Variants in RNF169 observed in about 807,000 individuals in gnomAD.
RNF169 encodes the protein E3 ubiquitin-protein ligase RNF169.
RNF169 carries 24 observed loss-of-function variants against 53.9 expected under a neutral mutation model. That is an observed-to-expected ratio of 0.45 (90% CI 0.32 to 0.63). The LOEUF is 0.63. RNF169 is among the 20% of genes least tolerant of loss of function. The pLI is 0.04. For missense variants in RNF169, 883 were observed against 906.2 expected, an observed-to-expected ratio of 0.97 and a Z score of 0.33; for synonymous variants, 396 against 363.5, an observed-to-expected ratio of 1.09 and a Z score of -1.02.
intron 1 of RNF169, among the ~76,000 whole-genome samples, chr11:74,774,183 C>T (rs921295637): frequency 2.0e-5 from 3 of 151,390 alleles, no homozygotes; most frequent in Admixed American, 6.6e-5. Context: ...CTGCTAAAAA[C>T]ACACACACAC....
chr11:74,820,472 C>T (rs142134212), intron 4 of RNF169, among the ~76,000 whole-genome samples: 19 of 151,876 alleles, frequency 1.3e-4, no homozygotes, highest in East Asian at 5.8e-4. Context: ...GGGTGGGGGC[C>T]GTTAGGAGGT....
chr11:74,775,835 A>G (rs959967635), intron 1 of RNF169, among the ~76,000 whole-genome samples: 6 of 152,204 alleles, frequency 3.9e-5, no homozygotes, highest in South Asian at 2.1e-4. Context: ...CTCTGGCACT[A>G]TACTGAGCTC....
In RNF169 at chr11:74,810,039, A is replaced by C. The variant is rs1438022318; in HGVS notation, c.577-145A>C. The C allele has an allele frequency of 9.0e-6, 6 of 667,630 alleles. No homozygotes were observed. In the East Asian group the frequency reaches 1.6e-4, roughly 18 times the overall value. 41.4% of individuals were successfully genotyped at this position (667,630 alleles called of 1,614,324 possible). A position where few individuals can be genotyped will look rare whatever the true frequency, so the allele number is the denominator to read the frequency against. The stretch of plus-strand genomic sequence containing the variant: ...GCCAAGTAAAAGTAGATTTACTTAG[A>C]AATCAAGAGGGCTCTATAGCTGATA... On this transcript the variant is annotated intron_variant, in intron 2 of 5. Coordinates refer to ENST00000299563, the MANE Select transcript of RNF169 (RefSeq NM_001098638.2).
intron 1 of RNF169, among the ~76,000 whole-genome samples, chr11:74,753,038 G>A (rs1008712925): frequency 3.9e-5 from 6 of 152,058 alleles, no homozygotes; most frequent in South Asian, 2.1e-4. Context: ...GCATGATCTC[G>A]GTTCACCGCA....
chr11:74,769,779 A>G (rs537723075), intron 1 of RNF169, among the ~76,000 whole-genome samples: 7 of 152,314 alleles, frequency 4.6e-5, no homozygotes, highest in African/African-American at 1.2e-4. Context: ...TGAAGAAACA[A>G]TCAGCCAATG....
chr11:74,791,016 A>G (rs1260478884), intron 2 of RNF169, among the ~76,000 whole-genome samples: 1 of 152,238 alleles, frequency 6.6e-6, no homozygotes, highest in African/African-American at 2.4e-5. Flanking sequence ...TCCTGTGTCC[A>G]GAAAGAAAGA....
Position 74,835,673 on chromosome 11 carries a change from T to C in RNF169, c.1070T>C (p.Leu357Ser), listed in dbSNP as rs754899199. ...KRLPFSSLSS[L>S]ASLHKPERSV... ...CTACCCTTCAGCTCCCTTTCATCCT[T>C]GGCTTCCCTGCATAAGCCAGAGCGT... The change falls in exon 6 of 6, where the codon TTG (leucine) becomes TCG (serine). Residue 357 changes from leucine (L) to serine (S), a missense_variant. Leu to Ser is a moderately radical substitution (Grantham distance 145). Around this residue, in one of 3 missense-constraint regions of RNF169, gnomAD observed 219 missense variants for 289.1 expected, o/e 0.76. Transcript: ENST00000299563. The C allele has an allele frequency of 1.2e-6, 2 of 1,614,184 alleles. No individual in the cohort carries two copies. The highest frequency in any genetic ancestry group is 1.7e-6 in the Non-Finnish European group (2 of 1,180,034).
chr11:74,797,953 T>C (rs1346825753), intron 2 of RNF169, among the ~76,000 whole-genome samples: 1 of 152,222 alleles, frequency 6.6e-6, no homozygotes, highest in Non-Finnish European at 1.5e-5. Flanking sequence ...TCTCTAAACA[T>C]AAGTTTCGAA....
At chr11:74,800,767 AT>A (rs1369864422) in intron 2 of RNF169, among the ~76,000 whole-genome samples, 4 of 152,200 alleles carry the variant, frequency 2.6e-5, no homozygotes, top group Non-Finnish European at 5.9e-5. Flanking sequence ...ATTTTCTTGA[AT>A]TTGGACAGTG....
chr11:74,821,982 A>G (rs1235130662), intron 4 of RNF169, among the ~76,000 whole-genome samples: 4 of 152,130 alleles, frequency 2.6e-5, no homozygotes, highest in Non-Finnish European at 5.9e-5. Flanking sequence ...ACCAAGGTCT[A>G]AAGAAGCTTC....
intron 2 of RNF169, among the ~76,000 whole-genome samples, chr11:74,792,031 A>G (rs1038904264): frequency 1.3e-5 from 2 of 152,236 alleles, no homozygotes; most frequent in African/African-American, 4.8e-5. Context: ...GGTCACATTA[A>G]AGAGAAAAGA....
intron 1 of RNF169, among the ~76,000 whole-genome samples, chr11:74,768,504 T>G (rs531857134): frequency 4.0e-5 from 6 of 151,720 alleles, no homozygotes; most frequent in African/African-American, 1.2e-4. Context: ...CTACTCAGGA[T>G]GCTGAGACAG....
chr11:74,839,270 G>A lies in RNF169; in HGVS notation c.*2540G>A, dbSNP rs920527970. The stretch of plus-strand genomic sequence containing the variant: ...GGTAGAGTGGTCTAGGTTAAGGAGG[G>A]AGGAGGGTTGATCTTTAATCAGGTT... On this transcript the variant is annotated 3_prime_UTR_variant, in exon 6 of 6. Transcript: ENST00000299563. 1 of 152,210 alleles carries A rather than the reference G, an allele frequency of 6.6e-6. No individual in the cohort carries two copies. Among genetic ancestry groups the A allele is most frequent in the African/African-American group, 2.4e-5 (1 of 41,448 alleles). 9.4% of individuals were successfully genotyped at this position (152,210 alleles called of 1,614,324 possible).
chr11:74,818,948 C>A (rs1401027566), intron 4 of RNF169, among the ~76,000 whole-genome samples: 3 of 152,168 alleles, frequency 2.0e-5, no homozygotes, highest in Non-Finnish European at 4.4e-5. Flanking sequence ...ACCCTTCTTA[C>A]ATGGATTACT....
chr11:74,794,976 T>G (rs2035626526), intron 2 of RNF169, among the ~76,000 whole-genome samples: 1 of 152,066 alleles, frequency 6.6e-6, no homozygotes, highest in South Asian at 2.1e-4. Context: ...CTTGAAAAGT[T>G]TTTATTTCTG....
intron 2 of RNF169, among the ~76,000 whole-genome samples, chr11:74,804,719 A>G (rs1288391391): frequency 7.9e-5 from 12 of 152,196 alleles, no homozygotes; most frequent in Non-Finnish European, 1.0e-4. Context: ...ACTCTTTTAT[A>G]CCAGTTAGCC....
chr11:74,792,453 G>A (rs1369197484), intron 2 of RNF169, among the ~76,000 whole-genome samples: 1 of 152,100 alleles, frequency 6.6e-6, no homozygotes, highest in African/African-American at 2.4e-5. Context: ...CCAGGCTGGA[G>A]TGCAGCGGTG....
intron 1 of RNF169, among the ~76,000 whole-genome samples, chr11:74,770,869 G>A (rs200924875): frequency 6.6e-6 from 1 of 151,898 alleles, no homozygotes; most frequent in South Asian, 2.1e-4. Flanking sequence ...GCAGTGGCAC[G>A]ATCTCAGCTC....
At chr11:74,795,166 C>T (rs1019310201) in intron 2 of RNF169, among the ~76,000 whole-genome samples, 3 of 149,942 alleles carry the variant, frequency 2.0e-5, no homozygotes, top group Non-Finnish European at 4.4e-5. Flanking sequence ...TTCCACTGAA[C>T]AGCATATTTT....
Sources: gnomAD v4.1 joint callset for allele counts (sites outside exome capture counted in the v4.1 genomes callset) on GRCh38, gnomAD v4.1.1 for gene constraint, gnomAD v4.1.1 regional missense constraint, MANE v1.5 for transcripts, NCBI Gene and HGNC (gene_info 2026-07-23, HGNC 2026-07-21) for gene names.